FUBP3: variants seen among roughly 807,000 people sequenced by gnomAD.
The protein encoded by FUBP3 is far upstream element-binding protein 3.
In FUBP3, 28 loss-of-function variants were observed where a neutral mutation model predicts 85.6. The ratio of observed to expected loss-of-function variants is 0.33; its 90% CI spans 0.24 to 0.45. The LOEUF is 0.45. FUBP3 is among the 20% of genes least tolerant of loss of function. The pLI is 1.00. For missense variants in FUBP3, 583 were observed against 755.1 expected (o/e 0.77, Z 2.67); for synonymous variants, 271 against 271.4 (o/e 1.00, Z 0.01).
intron 10 of FUBP3, 32 bp downstream of exon 10, chr9:130,622,842 T>TA (rs78083080): frequency 0.053 from 43,664 of 823,634 alleles, 1,970 homozygotes; most frequent in African/African-American, 0.28. Context: ...TCCTTAGTGT[T>TA]AAAAAAAAAA....
At chr9:130,583,779 T>C (rs1830229256) in intron 1 of FUBP3, among the ~76,000 whole-genome samples, 2 of 152,216 alleles carry the variant, frequency 1.3e-5, no homozygotes, top group South Asian at 4.1e-4. Flanking sequence ...TTAATGGAAG[T>C]GCTGAACTTC....
intron 1 of FUBP3, among the ~76,000 whole-genome samples, chr9:130,588,839 AG>A (rs1253348992): frequency 6.6e-6 from 1 of 152,218 alleles, no homozygotes; most frequent in Non-Finnish European, 1.5e-5. Flanking sequence ...TCTTTGCCAC[AG>A]GGCTACTTCC....
chr9:130,579,894 T>G (rs879627936), intron 1 of FUBP3, 130 bp downstream of exon 1: 17 of 523,964 alleles, frequency 3.2e-5, no homozygotes, highest in Admixed American at 1.3e-4. Flanking sequence ...GGCCGTTCCG[T>G]GGAGTTCCTA....
intron 1 of FUBP3, among the ~76,000 whole-genome samples, chr9:130,589,705 A>ATTTTTTTTTTT (rs779633795): frequency 1.6e-4 from 12 of 73,828 alleles, no homozygotes; most frequent in African/African-American, 7.7e-4. Context: ...ATATATATAT[A>ATTTTTTTTTTT]TTTTTTTTTT....
chr9:130,605,481 G>A (rs773182810), intron 2 of FUBP3, among the ~76,000 whole-genome samples: 25 of 152,362 alleles, frequency 1.6e-4, no homozygotes, highest in Non-Finnish European at 2.5e-4. Context: ...CAGGCCCCTC[G>A]CCTGCATGCC....
chr9:130,630,310 G>A (rs999002046), intron 12 of FUBP3, among the ~76,000 whole-genome samples: 10 of 152,228 alleles, frequency 6.6e-5, no homozygotes, highest in Non-Finnish European at 1.5e-5. Flanking sequence ...CCATGGTGTA[G>A]ACCCACAGGC....
At chr9:130,597,853 C>T (rs541133694) in intron 2 of FUBP3, among the ~76,000 whole-genome samples, 1 of 152,272 alleles carries the variant, frequency 6.6e-6, no homozygotes, top group Non-Finnish European at 1.5e-5. Flanking sequence ...TCTTCAAATA[C>T]AGCCTGTTGT....
chr9:130,579,595 C>A lies in FUBP3; in HGVS notation c.-86C>A. On this transcript the variant is annotated 5_prime_UTR_variant, in exon 1 of 19. Coordinates refer to ENST00000319725, the MANE Select transcript of FUBP3 (RefSeq NM_003934.2). ...GACTTTCCTTTTCCGGCTACGGGTC[C>A]CCAAGCGGAGCGGGAGGCCGGACCG... 1 of 845,978 alleles carries A rather than the reference C, an allele frequency of 1.2e-6. No individual in the cohort carries two copies. Among genetic ancestry groups the A allele is most frequent in the Non-Finnish European group, 1.6e-6 (1 of 638,306 alleles). 52.4% of individuals were successfully genotyped at this position (845,978 alleles called of 1,614,324 possible).
At chr9:130,586,749 CTTTT>C (rs34911755) in intron 1 of FUBP3, among the ~76,000 whole-genome samples, 3 of 113,328 alleles carry the variant, frequency 2.6e-5, no homozygotes, top group African/African-American at 7.0e-5. Flanking sequence ...AAGCAGCAAT[CTTTT>C]TTTTTTTTTT....
At chr9:130,589,689 ATATATATATATATATATTT>A (rs1830511668) in intron 1 of FUBP3, among the ~76,000 whole-genome samples, 1 of 28,508 alleles carries the variant, frequency 3.5e-5, no homozygotes, top group Non-Finnish European at 6.4e-5. Flanking sequence ...ATATATATAT[ATATATATATATATATATTT>A]TTTTTTTTTT....
At chr9:130,632,941 C>T (rs542644650) in intron 16 of FUBP3, among the ~76,000 whole-genome samples, 18 of 152,396 alleles carry the variant, frequency 1.2e-4, no homozygotes, top group African/African-American at 4.3e-4. Flanking sequence ...GATCCACGTT[C>T]TTTTGACCCA....
chr9:130,586,812 G>A (rs1043360025), intron 1 of FUBP3, among the ~76,000 whole-genome samples: 3 of 137,594 alleles, frequency 2.2e-5, no homozygotes, highest in African/African-American at 8.2e-5. Context: ...GTGCAGTGAT[G>A]TGATCTCAGC....
At chr9:130,595,369 A>C (rs1398385140) in intron 1 of FUBP3, 114 bp from the exon 2 acceptor site, 1 of 682,902 alleles carries the variant, frequency 1.5e-6, no homozygotes, top group African/African-American at 1.8e-5. Context: ...GCCTTCCATT[A>C]ATCAAGGTCA....
intron 1 of FUBP3, chr9:130,581,862 T>C (rs1463378498): frequency 6.6e-6 from 1 of 152,200 alleles, no homozygotes; most frequent in African/African-American, 2.4e-5. Context: ...CGTAATACTC[T>C]CAGTTGACCC....
rs1830393023 is a variant in FUBP3, at chr9:130,635,789, T to G, written c.1583-210T>G. On this transcript the variant is annotated intron_variant, in intron 17 of 18. Coordinates refer to ENST00000319725, the MANE Select transcript of FUBP3 (RefSeq NM_003934.2). This position sits in a 1 kb window ranked among gnomAD's most constrained non-coding sequence, Gnocchi z 4.3. ...GAGAAGGCAGGCGTGAGGATTGGTCTTCACAGGCATAGCAGGGGCCGGGCA... is the reference window on the plus strand; with the variant it reads ...GAGAAGGCAGGCGTGAGGATTGGTCGTCACAGGCATAGCAGGGGCCGGGCA... The G allele has an allele frequency of 7.1e-6, 4 of 564,906 alleles. No homozygotes were observed. In the South Asian group the frequency reaches 9.0e-5, roughly 13 times the overall value. 35.0% of individuals were successfully genotyped at this position (564,906 alleles called of 1,614,324 possible). A position where few individuals can be genotyped will look rare whatever the true frequency, so the allele number is the denominator to read the frequency against.
intron 18 of FUBP3, among the ~76,000 whole-genome samples, 194 bp from the exon 19 acceptor site, chr9:130,636,820 A>G (rs1255504830): frequency 5.9e-5 from 9 of 152,044 alleles, no homozygotes; most frequent in African/African-American, 2.4e-5. Context: ...GCTGGTGGTG[A>G]TGGAGGAGAA....
rs892709300 is a variant in FUBP3, at chr9:130,637,658, G to A, written c.*636G>A. On this transcript the variant is annotated 3_prime_UTR_variant, in exon 19 of 19. Coordinates refer to ENST00000319725, the MANE Select transcript of FUBP3 (RefSeq NM_003934.2). ...AGGGTTTGTATAATTTCTAGAGTTCGAAAGGGGTAATATAAAAATGTGCTC... is the reference window on the plus strand; with the variant it reads ...AGGGTTTGTATAATTTCTAGAGTTCAAAAGGGGTAATATAAAAATGTGCTC... 6 of 152,420 alleles carry A rather than the reference G, an allele frequency of 3.9e-5. No individual in the cohort carries two copies. Among genetic ancestry groups the A allele is most frequent in the Non-Finnish European group, 8.8e-5 (6 of 68,102 alleles). The allele number at this position is 152,420 out of a possible 1,614,324, so 9.4% of individuals were successfully genotyped here. A position where few individuals can be genotyped will look rare whatever the true frequency, so the allele number is the denominator to read the frequency against.
intron 9 of FUBP3, among the ~76,000 whole-genome samples, chr9:130,622,199 C>G (rs770434953): frequency 2.6e-5 from 4 of 150,992 alleles, no homozygotes; most frequent in Non-Finnish European, 5.9e-5. Flanking sequence ...TGGCGGGTGC[C>G]TGTAATCCTA....
At position 130,638,147 on chromosome 9, in the gene FUBP3, C is replaced by T. The variant is rs754218616; in HGVS notation, c.*1125C>T. The T allele has an allele frequency of 1.3e-5, 2 of 152,382 alleles. No individual in the cohort carries two copies. The highest frequency in any genetic ancestry group is 4.8e-5 in the African/African-American group (2 of 41,384). 9.4% of individuals were successfully genotyped at this position (152,382 alleles called of 1,614,324 possible). On this transcript the variant is annotated 3_prime_UTR_variant, in exon 19 of 19. Transcript: ENST00000319725. ...TTTCTAATTGACCTGAGGGACATTC[C>T]GTTTGAAATGTACTGAAGTTACAGT...
Sources: allele counts gnomAD v4.1 joint callset (sites outside exome capture counted in the v4.1 genomes callset), GRCh38; gene constraint gnomAD v4.1.1; non-coding constraint Gnocchi (gnomAD v3.1); transcripts MANE v1.5; gene names NCBI Gene and HGNC (gene_info 2026-07-23, HGNC 2026-07-21).